SYNE1: variants seen among roughly 807,000 people sequenced by gnomAD.
SYNE1 encodes nesprin-1.
Under a neutral mutation model 1,111.0 loss-of-function variants are expected in SYNE1, and 616 were observed. That is an observed-to-expected ratio of 0.55 (90% confidence interval 0.52 to 0.59). SYNE1 has a LOEUF of 0.59. Among genes scored for constraint, SYNE1 ranks in the 20% least tolerant of loss-of-function variants. The probability of loss-of-function intolerance (pLI) is 0.00; values close to 1 mark genes in which losing one functional copy is unlikely to be tolerated. For synonymous variants in SYNE1, 3,855 were observed against 3,825.8 expected (o/e 1.01, Z -0.28); for missense variants, 10,006 against 10,417.0 (o/e 0.96, Z 1.72).
intron 98 of SYNE1, among the ~76,000 whole-genome samples, chr6:152,270,525 A>C (rs1211634833): frequency 3.3e-5 from 5 of 152,212 alleles, no homozygotes; most frequent in African/African-American, 9.6e-5. Flanking sequence ...GATTATTCTA[A>C]TGGAATTTGA....
chr6:152,589,448 C>T (rs2128495680), intron 3 of SYNE1, among the ~76,000 whole-genome samples: 1 of 152,210 alleles, frequency 6.6e-6, no homozygotes, highest in African/African-American at 2.4e-5. Context: ...TTCATCTTCT[C>T]ATCAGAAAAT....
chr6:152,253,813 G>GTGT (rs1759852985), intron 104 of SYNE1, among the ~76,000 whole-genome samples: 1 of 33,216 alleles, frequency 3.0e-5, no homozygotes. Context: ...ATGTGTAGTG[G>GTGT]TTTGGTTTTT....
In SYNE1 at chr6:152,604,062, C is replaced by A. The variant is rs529537697; in HGVS notation, c.67+24203G>T. On this transcript the variant is annotated intron_variant, in intron 3 of 145. Coordinates refer to ENST00000367255, the MANE Select transcript of SYNE1 (RefSeq NM_182961.4). Reference sequence around the variant, plus strand: ...GTATGTATGTTCATATATGTATGTTCATATATGTATATATGTTCTAGATAT... The same window carrying A: ...GTATGTATGTTCATATATGTATGTTAATATATGTATATATGTTCTAGATAT... Among the ~76,000 whole-genome samples the A allele has an allele frequency of 8.0e-5, 12 of 149,958 alleles. No homozygotes were observed. The East Asian group carries it at 2.2e-3, about 27-fold the overall frequency.
At chr6:152,179,379 G>T (rs973633284) in intron 129 of SYNE1, 2 of 151,206 alleles carry the variant, frequency 1.3e-5, no homozygotes, top group Admixed American at 6.6e-5. Flanking sequence ...CCTATCTGTG[G>T]TCTATAAATC....
chr6:152,186,375 G>A (rs1355150735), intron 128 of SYNE1, among the ~76,000 whole-genome samples: 1 of 151,818 alleles, frequency 6.6e-6, no homozygotes, highest in East Asian at 1.9e-4. Context: ...TGACCAACAT[G>A]GAGAAACCCT....
intron 133 of SYNE1, among the ~76,000 whole-genome samples, chr6:152,154,391 A>G (rs1178755145): frequency 3.3e-5 from 5 of 152,012 alleles, no homozygotes; most frequent in African/African-American, 4.8e-5. Context: ...GTAATTAGAA[A>G]TGAATTATAA....
intron 3 of SYNE1, among the ~76,000 whole-genome samples, chr6:152,544,950 CAACT>C (rs2099301073): frequency 6.6e-6 from 1 of 152,066 alleles, no homozygotes; most frequent in Non-Finnish European, 1.5e-5. Context: ...ACAAATGTAC[CAACT>C]AATATGTGAT....
intron 38 of SYNE1, 79 bp from the exon 39 acceptor site, chr6:152,425,626 C>A: frequency 6.5e-7 from 1 of 1,549,766 alleles, no homozygotes. Context: ...CGGCTGTTGT[C>A]CAAAGGATTC....
chr6:152,360,799 T>C (rs1163952432), intron 64 of SYNE1, among the ~76,000 whole-genome samples: 1 of 152,214 alleles, frequency 6.6e-6, no homozygotes, highest in Non-Finnish European at 1.5e-5. Context: ...ATTTTATGGA[T>C]GCATAAATGA....
chr6:152,521,780 G>T (rs1428508757), intron 5 of SYNE1, among the ~76,000 whole-genome samples: 2 of 152,058 alleles, frequency 1.3e-5, no homozygotes, highest in Non-Finnish European at 2.9e-5. Context: ...CATGAATTGT[G>T]AATATCTTCA....
intron 142 of SYNE1, chr6:152,134,420 G>A (rs2056575589): frequency 6.5e-6 from 1 of 152,672 alleles, no homozygotes; most frequent in African/African-American, 2.4e-5. Flanking sequence ...TGTAATCCCA[G>A]CACTTTGGGA....
At position 152,269,262 on chromosome 6, in the gene SYNE1, TCTC is replaced by T. The variant is rs771543751; in HGVS notation, c.18595_18597del (p.Glu6199del). The T allele has an allele frequency of 2.5e-6, 4 of 1,614,002 alleles. No individual in the cohort carries two copies. Among genetic ancestry groups the T allele is most frequent in the Admixed American group, 3.3e-5 (2 of 59,992 alleles). On this transcript the variant is annotated inframe_deletion, in exon 99 of 146. Coordinates refer to ENST00000367255, the MANE Select transcript of SYNE1 (RefSeq NM_182961.4). ...TGCGTGGCTGTTAGGTCAACATCGC[TCTC>T]CTCCTTCTCCTGTGCTGTTCCCTGC...
chr6:152,418,460 A>G (rs1312905441), intron 40 of SYNE1, among the ~76,000 whole-genome samples: 1 of 152,248 alleles, frequency 6.6e-6, no homozygotes, highest in Non-Finnish European at 1.5e-5. Context: ...TGAACACTCA[A>G]TAAATATGAA....
intron 3 of SYNE1, among the ~76,000 whole-genome samples, chr6:152,580,407 T>C (rs937580390): frequency 1.3e-5 from 2 of 152,232 alleles, no homozygotes; most frequent in African/African-American, 4.8e-5. Flanking sequence ...GAATTCTGGA[T>C]ATTAGATCTT....
At chr6:152,516,998 G>T (rs1249489767) in intron 6 of SYNE1, among the ~76,000 whole-genome samples, 1 of 152,204 alleles carries the variant, frequency 6.6e-6, no homozygotes, top group African/African-American at 2.4e-5. Flanking sequence ...AGATTAGTGT[G>T]ATCTGGAAAC....
At chr6:152,471,479 A>G in intron 16 of SYNE1, 118 bp downstream of exon 16, 2 of 978,338 alleles carry the variant, frequency 2.0e-6, no homozygotes, top group Non-Finnish European at 1.6e-6. Context: ...TAACCCATTT[A>G]ACACACGCTA....
chr6:152,452,009 A>G (rs544895342), intron 25 of SYNE1, among the ~76,000 whole-genome samples: 9 of 147,176 alleles, frequency 6.1e-5, no homozygotes, highest in African/African-American at 2.0e-4. Context: ...TTTAAAAAGA[A>G]AAGAAAAAAA....
chr6:152,605,064 G>C (rs113470867), intron 3 of SYNE1, among the ~76,000 whole-genome samples: 3 of 67,382 alleles, frequency 4.5e-5, no homozygotes, highest in Non-Finnish European at 1.0e-4. Flanking sequence ...GAGGGAGGGA[G>C]GGAGGGAGGA....
intron 102 of SYNE1, among the ~76,000 whole-genome samples, chr6:152,256,246 C>T (rs1252894347): frequency 6.6e-6 from 1 of 151,412 alleles, no homozygotes; most frequent in East Asian, 2.0e-4. Context: ...TGGTGAAACC[C>T]CGTCTTCACT....
Sources: allele counts gnomAD v4.1 joint callset (sites outside exome capture counted in the v4.1 genomes callset), GRCh38; gene constraint gnomAD v4.1.1; transcripts MANE v1.5; gene names NCBI Gene and HGNC (gene_info 2026-07-23, HGNC 2026-07-21).